The following GRK6 variants were observed in gnomAD, a reference collection of about 807,000 sequenced individuals.
GRK6 encodes the protein G protein-coupled receptor kinase 6.
Under a neutral mutation model 80.8 loss-of-function variants are expected in GRK6, and 37 were observed. The ratio of observed to expected loss-of-function variants is 0.46; its 90% CI spans 0.35 to 0.60. The LOEUF is 0.60. GRK6 is among the 20% of genes least tolerant of loss of function. The pLI is 0.00. For synonymous variants in GRK6, 295 were observed against 320.9 expected (o/e 0.92, Z 0.86); for missense variants, 560 against 784.6 (o/e 0.71, Z 3.42).
intron 1 of GRK6, among the ~76,000 whole-genome samples, chr5:177,430,232 C>T (rs1763829046): frequency 6.6e-6 from 1 of 152,212 alleles, no homozygotes; most frequent in Non-Finnish European, 1.5e-5. Context: ...CCACGTTTCC[C>T]ACACCTGTTG....
intron 1 of GRK6, 62 bp downstream of exon 1, chr5:177,426,959 G>A (rs1321524406): frequency 1.8e-6 from 2 of 1,113,546 alleles, no homozygotes; most frequent in Non-Finnish European, 2.3e-6. Context: ...CTGCGTCTGA[G>A]CTCCGCAGGG....
chr5:177,433,949 G>A lies in GRK6; in HGVS notation c.774G>A (p.Ala258=), dbSNP rs75543507. 6.6e-4 allele frequency: 1,067 copies of A among 1,604,836 alleles called. 8 individuals are homozygous for A. The East Asian group carries it at 0.021, about 31-fold the overall frequency. ...SLAYAYETKD[A]LCLVLTLMNG... ...CCTACGCCTATGAGACCAAGGACGC[G>A]CTGTGCCTGGTGCTGACACTGATGA... is the stretch of plus-strand genomic sequence containing the variant. The change falls in exon 9 of 16, where the codon GCG becomes GCA. Residue 258 remains alanine (A), a synonymous_variant. Coordinates refer to ENST00000355472, the MANE Select transcript of GRK6 (RefSeq NM_001004106.3).
chr5:177,431,703 C>T (rs993000309), intron 2 of GRK6: 3 of 460,224 alleles, frequency 6.5e-6, no homozygotes, highest in South Asian at 2.2e-5. Context: ...CCGTGACATA[C>T]GCAAGTCGTG....
chr5:177,438,954 G>C (rs1349196630), intron 13 of GRK6: 1 of 152,234 alleles, frequency 6.6e-6, no homozygotes, highest in Non-Finnish European at 1.5e-5. Context: ...GCAAAGGTGG[G>C]CCCTGTCAGA....
At position 177,434,033 on chromosome 5, in the gene GRK6, G is replaced by T; in HGVS notation, c.858G>T (p.Ala286=). 5 of 1,611,846 alleles carry T rather than the reference G, an allele frequency of 3.1e-6. No individual in the cohort carries two copies. The highest frequency in any genetic ancestry group is 3.4e-6 in the Non-Finnish European group (4 of 1,179,366). ...YHMGQAGFPE[A]RAVFYAAEIC... ...TGGGCCAGGCTGGCTTCCCCGAAGCGCGGGCCGTCTTCTACGCCGCCGAGA... is the reference window on the plus strand; with the variant it reads ...TGGGCCAGGCTGGCTTCCCCGAAGCTCGGGCCGTCTTCTACGCCGCCGAGA... Residue 286 remains alanine, a synonymous_variant, in exon 9 of 16, where the codon GCG becomes GCT. Transcript: ENST00000355472.
At chr5:177,439,638 CAA>C (rs111784319) in intron 13 of GRK6, among the ~76,000 whole-genome samples, 3 of 126,640 alleles carry the variant, frequency 2.4e-5, no homozygotes, top group Non-Finnish European at 3.4e-5. Flanking sequence ...CCCCACTCTG[CAA>C]AAAAAAAAAA....
At chr5:177,432,468 A>G (rs1199480855) in intron 4 of GRK6, among the ~76,000 whole-genome samples, 158 bp downstream of exon 4, 1 of 152,176 alleles carries the variant, frequency 6.6e-6, no homozygotes, top group Non-Finnish European at 1.5e-5. Flanking sequence ...TCCAGGCAGC[A>G]CGGCGGGCAT....
intron 13 of GRK6, among the ~76,000 whole-genome samples, chr5:177,439,624 C>T (rs1003173787): frequency 4.6e-5 from 7 of 151,466 alleles, no homozygotes; most frequent in South Asian, 2.1e-4. Flanking sequence ...GTGTTCATTA[C>T]CTGCCCCACT....
Position 177,432,787 on chromosome 5 carries a change from CT to C in GRK6, c.425del (p.Phe142SerfsTer7). On this transcript the variant is annotated frameshift_variant, in exon 5 of 16. Coordinates refer to ENST00000355472, the MANE Select transcript of GRK6 (RefSeq NM_001004106.3). LOFTEE classifies it high-confidence loss of function. ...GCTGGAGCAGGGTCCCTGCAAAGAC[CT>C]TTTCCAGGAACTCACCCGGTAAGCC... ...QRLEQGPCKD[L>X]FQELTRLTHE... 1 of 1,612,004 alleles carries C rather than the reference CT, an allele frequency of 6.2e-7. No homozygotes were observed. The highest frequency in any genetic ancestry group is 8.5e-7 in the Non-Finnish European group (1 of 1,179,080).
intron 13 of GRK6, among the ~76,000 whole-genome samples, chr5:177,437,613 T>C (rs553124322): frequency 6.6e-6 from 1 of 152,292 alleles, no homozygotes; most frequent in African/African-American, 2.4e-5. Context: ...CCGTGGAGTG[T>C]ATTGGTTCAT....
chr5:177,438,347 A>T (rs1361364392), intron 13 of GRK6, among the ~76,000 whole-genome samples: 4 of 152,158 alleles, frequency 2.6e-5, no homozygotes, highest in Admixed American at 2.0e-4. Flanking sequence ...AGCCTGGGCA[A>T]CAAGAGTGAA....
chr5:177,430,162 T>C (rs1763826092), intron 1 of GRK6, among the ~76,000 whole-genome samples: 1 of 152,202 alleles, frequency 6.6e-6, no homozygotes, highest in Non-Finnish European at 1.5e-5. Context: ...CAGCTGGCGT[T>C]CTCCTGCAGC....
rs549859172 is a variant in GRK6 at position 177,435,370 on chromosome 5, C to T, written c.1057+249C>T. Among the ~76,000 whole-genome samples, 83 of 152,358 alleles carry T rather than the reference C, an allele frequency of 5.4e-4. 1 individual carries two copies. The highest frequency in any genetic ancestry group is 1.9e-3 in the African/African-American group (81 of 41,584). Reference sequence around the variant, plus strand: ...TATGGCTGAGCCTGCAGGTGGCTACCGGGGGATGGAGGAGAGAGACCCAAA... The same window carrying T: ...TATGGCTGAGCCTGCAGGTGGCTACTGGGGGATGGAGGAGAGAGACCCAAA... On this transcript the variant is annotated intron_variant, in intron 11 of 15. Coordinates refer to ENST00000355472, the MANE Select transcript of GRK6 (RefSeq NM_001004106.3).
At chr5:177,432,545 A>T (rs1424339883) in intron 4 of GRK6, among the ~76,000 whole-genome samples, 161 bp from the exon 5 acceptor site, 1 of 152,152 alleles carries the variant, frequency 6.6e-6, no homozygotes, top group East Asian at 1.9e-4. Flanking sequence ...GCTCTGCCTC[A>T]TGGGTGGGCA....
intron 9 of GRK6, 100 bp from the exon 10 acceptor site, chr5:177,434,802 C>A: frequency 7.3e-7 from 1 of 1,366,658 alleles, no homozygotes; most frequent in Non-Finnish European, 1.0e-6. Flanking sequence ...GCACCTTGCT[C>A]CACACCTGGC....
At chr5:177,432,161 A>G in intron 3 of GRK6, 54 bp downstream of exon 3, 2 of 1,608,008 alleles carry the variant, frequency 1.2e-6, no homozygotes, top group Non-Finnish European at 1.7e-6. Context: ...TCCTGGCCCC[A>G]TGTGCCCCTC....
In GRK6 at chr5:177,426,875, G is replaced by C; in HGVS notation, c.30G>C (p.Thr10=). The C allele has an allele frequency of 7.2e-7, 1 of 1,384,480 alleles. No homozygotes were observed. The allele number at this position is 1,384,480 out of a possible 1,614,324, so 85.8% of individuals were successfully genotyped here. A position where few individuals can be genotyped will look rare whatever the true frequency, so the allele number is the denominator to read the frequency against. ...AGCTCGAGAACATCGTAGCGAACAC[G>C]GTGCTACTCAAGGCCCGGGAAGGTG... is the stretch of plus-strand genomic sequence containing the variant. The part of the protein sequence containing the change: MELENIVAN[T]VLLKAREGGG... Residue 10 remains threonine (T), a synonymous_variant, in exon 1 of 16, where the codon ACG becomes ACC. Coordinates refer to ENST00000355472, the MANE Select transcript of GRK6 (RefSeq NM_001004106.3).
intron 5 of GRK6, 115 bp from the exon 6 acceptor site, chr5:177,433,032 C>A: frequency 1.1e-6 from 1 of 932,592 alleles, no homozygotes; most frequent in Non-Finnish European, 1.7e-6. Flanking sequence ...GGAGGACTGG[C>A]CGACGACGAT....
Position 177,426,736 on chromosome 5 carries a change from G to GCGAGC in GRK6, c.-97_-93dup, listed in dbSNP as rs1252146164. On this transcript the variant is annotated 5_prime_UTR_variant, in exon 1 of 16. Coordinates refer to ENST00000355472, the MANE Select transcript of GRK6 (RefSeq NM_001004106.3). ...CCGGGGAGGCCGCGGCGCGGTCACT[G>GCGAGC]CGAGCCGAGCCGAGCCGCGCCGAGC... 7 of 549,276 alleles carry GCGAGC rather than the reference G, an allele frequency of 1.3e-5. No homozygotes were observed. The highest frequency in any genetic ancestry group is 9.1e-4 in the Middle Eastern group (1 of 1,096). 34.0% of individuals were successfully genotyped at this position (549,276 alleles called of 1,614,324 possible). A position where few individuals can be genotyped will look rare whatever the true frequency, so the allele number is the denominator to read the frequency against.
Sources: allele counts gnomAD v4.1 joint callset (sites outside exome capture counted in the v4.1 genomes callset), GRCh38; gene constraint gnomAD v4.1.1; transcripts MANE v1.5; gene names NCBI Gene and HGNC (gene_info 2026-07-23, HGNC 2026-07-21).